Variants in GRIP1 observed in about 807,000 individuals in gnomAD.
The protein encoded by GRIP1 is glutamate receptor interacting protein 1.
In GRIP1, 45 loss-of-function variants were observed where a neutral mutation model predicts 129.9. That is an observed-to-expected ratio of 0.35 (90% CI 0.27 to 0.44). GRIP1 has a LOEUF of 0.44. GRIP1 is among the 20% of genes least tolerant of loss of function. GRIP1 has a pLI of 1.00. For synonymous variants in GRIP1, 530 were observed against 520.8 expected (o/e 1.02, Z -0.24); for missense variants, 1,196 against 1,396.8 (o/e 0.86, Z 2.29).
intron 14 of GRIP1, among the ~76,000 whole-genome samples, chr12:66,431,996 A>G (rs2058161570): frequency 6.6e-6 from 1 of 152,196 alleles, no homozygotes; most frequent in Admixed American, 6.5e-5. Flanking sequence ...GAAAAGGATT[A>G]TAGATGCTTA....
At chr12:67,052,591 C>T (rs1296750620) in intron 1 of GRIP1, among the ~76,000 whole-genome samples, 1 of 152,010 alleles carries the variant, frequency 6.6e-6, no homozygotes, top group Non-Finnish European at 1.5e-5. Context: ...AACCCCGTTT[C>T]TACTAAAAAT....
chr12:66,705,430 TC>T (rs1326015333), intron 1 of GRIP1, among the ~76,000 whole-genome samples: 7 of 152,230 alleles, frequency 4.6e-5, no homozygotes, highest in African/African-American at 1.7e-4. Flanking sequence ...GGAAAAATGT[TC>T]CATTCTCATG....
chr12:67,065,663 T>C (rs546492496), intron 1 of GRIP1, among the ~76,000 whole-genome samples: 1 of 152,344 alleles, frequency 6.6e-6, no homozygotes, highest in South Asian at 2.1e-4. Flanking sequence ...TGGTTGATTT[T>C]CTATCCTAAC....
chr12:66,805,973 T>C (rs2038982832), upstream of GRIP1, among the ~76,000 whole-genome samples: 1 of 133,926 alleles, frequency 7.5e-6, no homozygotes, highest in South Asian at 2.5e-4. Context: ...GTTTCTTTTT[T>C]TTTTCTTTTT....
intron 5 of GRIP1, among the ~76,000 whole-genome samples, chr12:66,519,986 T>C (rs1005752515): frequency 2.0e-5 from 3 of 152,240 alleles, no homozygotes; most frequent in Non-Finnish European, 4.4e-5. Flanking sequence ...TTTTATTCTA[T>C]GGATGCAAGC....
chr12:66,468,908 C>T (rs2059362422), intron 7 of GRIP1, among the ~76,000 whole-genome samples: 2 of 152,146 alleles, frequency 1.3e-5, no homozygotes, highest in Non-Finnish European at 2.9e-5. Flanking sequence ...GCTTCTGTGA[C>T]TGGAAACTAG....
At chr12:67,039,793 G>T (rs1349684676) in intron 1 of GRIP1, among the ~76,000 whole-genome samples, 1 of 152,144 alleles carries the variant, frequency 6.6e-6, no homozygotes, top group Admixed American at 6.6e-5. Flanking sequence ...AGGCCTTCTT[G>T]AGTGCTCAAA....
intron 1 of GRIP1, among the ~76,000 whole-genome samples, chr12:66,964,325 C>T (rs1204189474): frequency 6.6e-6 from 1 of 152,092 alleles, no homozygotes; most frequent in Non-Finnish European, 1.5e-5. Context: ...AGGAGAGATA[C>T]TGACAGTAAA....
chr12:67,004,088 C>A (rs1166758598), intron 1 of GRIP1, among the ~76,000 whole-genome samples: 1 of 152,190 alleles, frequency 6.6e-6, no homozygotes, highest in African/African-American at 2.4e-5. Flanking sequence ...TAGGGGCTTA[C>A]CTGGTAGTCC....
At chr12:66,498,236 G>A (rs1315016840) in intron 7 of GRIP1, among the ~76,000 whole-genome samples, 1 of 152,196 alleles carries the variant, frequency 6.6e-6, no homozygotes, top group Non-Finnish European at 1.5e-5. Context: ...AAAGTGTAAG[G>A]CTTGGGTGTC....
chr12:66,368,227 G>A (rs1411588527), intron 23 of GRIP1, among the ~76,000 whole-genome samples: 2 of 152,124 alleles, frequency 1.3e-5, no homozygotes, highest in Admixed American at 6.5e-5. Flanking sequence ...TAACCCACCT[G>A]CAGGAGCTGG....
At chr12:66,967,643 C>T (rs2042016427) in intron 1 of GRIP1, among the ~76,000 whole-genome samples, 2 of 152,152 alleles carry the variant, frequency 1.3e-5, no homozygotes, top group South Asian at 4.1e-4. Flanking sequence ...TCCCAAGTAG[C>T]TGAGACTACA....
rs533290800 is a variant in GRIP1, at chr12:67,054,217, T to G, written c.58+14833A>C. Among the ~76,000 whole-genome samples the G allele has an allele frequency of 3.3e-5, 5 of 152,366 alleles. No homozygotes were observed. In the East Asian group the frequency reaches 5.8e-4, roughly 18 times the overall value. On this transcript the variant is annotated intron_variant, in intron 1 of 1. Transcript: ENST00000643019. ...CTTAAAAGTGAATGCAATTATATCA[T>G]CATCTGCAAATCATTTCTCTTATGC... is the stretch of plus-strand genomic sequence containing the variant.
intron 16 of GRIP1, among the ~76,000 whole-genome samples, chr12:66,398,017 C>T (rs185157421): frequency 6.6e-6 from 1 of 152,284 alleles, no homozygotes; most frequent in African/African-American, 2.4e-5. Context: ...TTTTCCAGAC[C>T]ATATGGCCCG....
intron 1 of GRIP1, among the ~76,000 whole-genome samples, chr12:67,023,564 T>C (rs2042898264): frequency 6.6e-6 from 1 of 152,174 alleles, no homozygotes; most frequent in African/African-American, 2.4e-5. Flanking sequence ...TTACCTTTGT[T>C]CTTTTTTTTT....
intron 7 of GRIP1, among the ~76,000 whole-genome samples, chr12:66,487,579 G>A (rs2059989761): frequency 6.6e-6 from 1 of 152,012 alleles, no homozygotes; most frequent in African/African-American, 2.4e-5. Flanking sequence ...ACATAAACAA[G>A]TCTGCAAAAT....
chr12:66,385,776 A>C (rs1415422612), intron 19 of GRIP1, among the ~76,000 whole-genome samples: 5 of 151,792 alleles, frequency 3.3e-5, no homozygotes, highest in Non-Finnish European at 5.9e-5. Context: ...CACCCAGCTA[A>C]TTTTTGAATT....
rs550064342 is a variant in GRIP1 at position 66,652,744 on chromosome 12, C to T, written c.55+26106G>A. On this transcript the variant is annotated intron_variant, in intron 1 of 24. Transcript: ENST00000359742. ...CCCATCACTCCAGGTGCTTTTCCTG[C>T]TCTGTGACCAAAGCTGATTTCAATA... 8.5e-5 allele frequency among the ~76,000 whole-genome samples: 13 copies of T among 152,326 alleles called. No individual in the cohort carries two copies. The South Asian group carries it at 2.5e-3, about 29-fold the overall frequency.
intron 1 of GRIP1, among the ~76,000 whole-genome samples, chr12:66,748,968 G>A (rs866790834): frequency 6.6e-6 from 1 of 152,070 alleles, no homozygotes; most frequent in African/African-American, 2.4e-5. Context: ...ACAATAGACA[G>A]ACAGATCACT....
Sources: allele counts gnomAD v4.1 joint callset (sites outside exome capture counted in the v4.1 genomes callset), GRCh38; gene constraint gnomAD v4.1.1; transcripts MANE v1.5; gene names NCBI Gene and HGNC (gene_info 2026-07-23, HGNC 2026-07-21).